Variants in DYNC1I1 observed in about 807,000 individuals in gnomAD.
DYNC1I1 encodes the protein cytoplasmic dynein 1 intermediate chain 1.
In DYNC1I1, 43 loss-of-function variants were observed where a neutral mutation model predicts 86.6. The observed-to-expected ratio is 0.50, with a 90% CI of 0.39 to 0.64. The LOEUF (loss-of-function observed/expected upper bound fraction) is 0.64, where lower values mean the gene tolerates loss of function less well. DYNC1I1 is among the 30% of genes least tolerant of loss of function. The pLI is 0.00. For synonymous variants in DYNC1I1, 262 were observed against 283.7 expected, an observed-to-expected ratio of 0.92 and a Z score of 0.77; for missense variants, 604 against 788.8, an observed-to-expected ratio of 0.77 and a Z score of 2.81.
chr7:96,027,465 A>C (rs1408958386), intron 10 of DYNC1I1, among the ~76,000 whole-genome samples: 1 of 152,180 alleles, frequency 6.6e-6, no homozygotes, highest in Non-Finnish European at 1.5e-5. Context: ...AGCTTCAGAA[A>C]CCACATTTGT....
intron 5 of DYNC1I1, among the ~76,000 whole-genome samples, chr7:95,868,827 CA>C (rs1454595560): frequency 6.6e-6 from 1 of 152,086 alleles, no homozygotes; most frequent in Admixed American, 6.5e-5. Context: ...AGCTGAGGCA[CA>C]GAGAGATTAG....
chr7:95,818,745 C>T, intron 4 of DYNC1I1: 1 of 420,032 alleles, frequency 2.4e-6, no homozygotes, highest in East Asian at 3.3e-5. Flanking sequence ...CATGTTTCCA[C>T]CACCAGAGTA....
chr7:96,098,479 T>C (rs1791077775), downstream of DYNC1I1: 1 of 946,430 alleles, frequency 1.1e-6, no homozygotes, highest in African/African-American at 1.8e-5. Flanking sequence ...ACTGGAATTC[T>C]GCTGGGACAA....
intron 2 of DYNC1I1, among the ~76,000 whole-genome samples, chr7:95,808,750 T>C (rs1794760067): frequency 1.3e-5 from 2 of 152,174 alleles, no homozygotes; most frequent in Admixed American, 6.6e-5. Flanking sequence ...CCTCTCTGGG[T>C]TTCAGCTGTG....
chr7:95,836,507 G>A (rs185407940), intron 5 of DYNC1I1, among the ~76,000 whole-genome samples: 24,125 of 151,036 alleles, frequency 0.16, 2,033 homozygotes, highest in East Asian at 0.34. Context: ...GAATCTGAAC[G>A]TTGGCCTGCC....
In DYNC1I1 at chr7:95,999,032, C is replaced by T. The variant is rs112811649; in HGVS notation, c.969+2959C>T. Among the ~76,000 whole-genome samples, 259 of 152,252 alleles carry T rather than the reference C, an allele frequency of 1.7e-3. 2 individuals carry two copies. The highest frequency in any genetic ancestry group is 6.0e-3 in the African/African-American group (248 of 41,534). On this transcript the variant is annotated intron_variant, in intron 10 of 16. Coordinates refer to ENST00000447467, the MANE Select transcript of DYNC1I1 (RefSeq NM_001135556.2). Reference sequence around the variant, plus strand: ...TGAATTTTTAGTGTGATCTCTGGTCCTGCATTTTCTATTTTTATTTCAATA... The same window carrying T: ...TGAATTTTTAGTGTGATCTCTGGTCTTGCATTTTCTATTTTTATTTCAATA...
intron 6 of DYNC1I1, among the ~76,000 whole-genome samples, chr7:95,872,033 G>A (rs906069901): frequency 3.9e-5 from 6 of 152,208 alleles, no homozygotes; most frequent in Admixed American, 6.5e-5. Context: ...ATGATGCCTT[G>A]ACCCTTGGCT....
At chr7:95,958,695 T>G (rs937874638) in intron 6 of DYNC1I1, among the ~76,000 whole-genome samples, 2 of 152,228 alleles carry the variant, frequency 1.3e-5, no homozygotes, top group African/African-American at 4.8e-5. Flanking sequence ...AAACATGAAT[T>G]TTCTAAGCTA....
chr7:96,040,171 T>C (rs988215852), intron 14 of DYNC1I1, among the ~76,000 whole-genome samples: 2 of 151,944 alleles, frequency 1.3e-5, no homozygotes, highest in Non-Finnish European at 2.9e-5. Context: ...CAGGCAGAGG[T>C]TGCAGTGAGC....
intron 6 of DYNC1I1, among the ~76,000 whole-genome samples, chr7:95,956,236 A>G (rs1792706197): frequency 6.6e-6 from 1 of 152,038 alleles, no homozygotes; most frequent in Admixed American, 6.6e-5. Context: ...GTTGCTACAT[A>G]AATAATACGT....
chr7:95,802,029 G>C lies in DYNC1I1; in HGVS notation c.-9-2692G>C, dbSNP rs115340074. Among the ~76,000 whole-genome samples the C allele has an allele frequency of 2.2e-3, 334 of 152,028 alleles. 1 individual carries two copies. Among genetic ancestry groups the C allele is most frequent in the African/African-American group, 7.8e-3 (325 of 41,488 alleles). On this transcript the variant is annotated intron_variant, in intron 1 of 16. Transcript: ENST00000447467. ...ACTCCCTTGGCTCTGTTAAGACTTT[G>C]AATTGCATCTCCTGTTTCAACAGCC...
At position 96,097,987 on chromosome 7, in the gene DYNC1I1, A is replaced by G. The variant is rs1359744950; in HGVS notation, c.*394A>G. ...ATTGGGTGCAGATGTGGTGTTCCTCATATTATGGTACAGGGCCAAAGACTT... is the reference window on the plus strand; with the variant it reads ...ATTGGGTGCAGATGTGGTGTTCCTCGTATTATGGTACAGGGCCAAAGACTT... On this transcript the variant is annotated 3_prime_UTR_variant, in exon 17 of 17. Transcript: ENST00000447467. 2 of 999,896 alleles carry G rather than the reference A, an allele frequency of 2.0e-6. No homozygotes were observed. Among genetic ancestry groups the G allele is most frequent in the Admixed American group, 5.6e-5 (1 of 17,814 alleles). The allele number at this position is 999,896 out of a possible 1,614,324, so 61.9% of individuals were successfully genotyped here.
intron 6 of DYNC1I1, among the ~76,000 whole-genome samples, chr7:95,970,939 C>CTGTAA (rs1793152898): frequency 7.2e-6 from 1 of 138,564 alleles, no homozygotes; most frequent in Admixed American, 7.4e-5. Flanking sequence ...TAAAGACAGG[C>CTGTAA]AGATTCAAGA....
chr7:95,884,929 T>TA (rs142752070), intron 6 of DYNC1I1, among the ~76,000 whole-genome samples: 1 of 151,952 alleles, frequency 6.6e-6, no homozygotes, highest in African/African-American at 2.4e-5. Flanking sequence ...GTAGTCAATA[T>TA]AAAAAAAATT....
At chr7:96,030,169 C>G (rs1365447594) in intron 11 of DYNC1I1, among the ~76,000 whole-genome samples, 1 of 152,010 alleles carries the variant, frequency 6.6e-6, no homozygotes, top group African/African-American at 2.4e-5. Flanking sequence ...AATTTCCTTT[C>G]ACACCCACCA....
intron 6 of DYNC1I1, among the ~76,000 whole-genome samples, chr7:95,873,164 A>T (rs1352167064): frequency 6.6e-6 from 1 of 152,172 alleles, no homozygotes; most frequent in African/African-American, 2.4e-5. Flanking sequence ...GTCAAGGTTT[A>T]ATCTCTACTC....
intron 5 of DYNC1I1, among the ~76,000 whole-genome samples, chr7:95,836,123 T>G (rs1584264654): frequency 6.6e-6 from 1 of 152,302 alleles, no homozygotes; most frequent in South Asian, 2.1e-4. Flanking sequence ...ATTGTTCCTT[T>G]CCATGTTTAG....
At chr7:95,818,627 G>T in intron 4 of DYNC1I1, 1 of 536,228 alleles carries the variant, frequency 1.9e-6, no homozygotes, top group Non-Finnish European at 3.3e-6. Context: ...ATTACAGGCA[G>T]GACCCATTGT....
intron 4 of DYNC1I1, among the ~76,000 whole-genome samples, chr7:95,814,200 G>A (rs569748823): frequency 2.0e-5 from 3 of 152,076 alleles, no homozygotes; most frequent in Non-Finnish European, 2.9e-5. Flanking sequence ...CAATTTTTCC[G>A]CATTTTCCAG....
Sources: gnomAD v4.1 joint callset for allele counts (sites outside exome capture counted in the v4.1 genomes callset) on GRCh38, gnomAD v4.1.1 for gene constraint, MANE v1.5 for transcripts, NCBI Gene and HGNC (gene_info 2026-07-23, HGNC 2026-07-21) for gene names.